Variants in SNTG1 observed in about 807,000 individuals in gnomAD.
SNTG1 encodes gamma-1-syntrophin.
A neutral mutation model predicts 74.7 loss-of-function variants in SNTG1; 39 were observed. That is an observed-to-expected ratio of 0.52 (90% CI 0.40 to 0.68). SNTG1 has a LOEUF of 0.68. Among genes scored for constraint, SNTG1 ranks in the 30% least tolerant of loss-of-function variants. The pLI, the probability that SNTG1 is intolerant of heterozygous loss-of-function variation, is 0.00. For synonymous variants in SNTG1, 254 were observed against 217.1 expected (o/e 1.17, Z -1.49); for missense variants, 685 against 609.5 (o/e 1.12, Z -1.30).
chr8:50,279,564 A>C (rs1401008105), intron 2 of SNTG1, among the ~76,000 whole-genome samples: 2 of 152,318 alleles, frequency 1.3e-5, no homozygotes, highest in East Asian at 3.9e-4. Context: ...TATATCATGT[A>C]AATTTAAAAA....
At chr8:50,318,156 TTAC>T (rs1315636942) in intron 2 of SNTG1, among the ~76,000 whole-genome samples, 1 of 152,102 alleles carries the variant, frequency 6.6e-6, no homozygotes, top group Non-Finnish European at 1.5e-5. Context: ...TGAGTTGTAA[TTAC>T]TACAGGCTTG....
intron 1 of SNTG1, among the ~76,000 whole-genome samples, chr8:50,144,925 T>A (rs1237511584): frequency 6.6e-6 from 1 of 152,190 alleles, no homozygotes; most frequent in African/African-American, 2.4e-5. Flanking sequence ...TAATCTTGAA[T>A]AAAGATCAGG....
intron 2 of SNTG1, among the ~76,000 whole-genome samples, chr8:50,194,573 T>C (rs574799059): frequency 2.0e-4 from 31 of 152,286 alleles, no homozygotes; most frequent in South Asian, 8.3e-4. Context: ...TCTTGGTTAA[T>C]CTTGCTAATG....
chr8:50,176,034 G>A (rs1355571345), intron 2 of SNTG1, among the ~76,000 whole-genome samples: 1 of 152,116 alleles, frequency 6.6e-6, no homozygotes, highest in Non-Finnish European at 1.5e-5. Flanking sequence ...TCTCTGCCTG[G>A]CTAGAGGCGG....
At chr8:50,776,439 A>T (rs988117870) in intron 18 of SNTG1, among the ~76,000 whole-genome samples, 5 of 147,310 alleles carry the variant, frequency 3.4e-5, no homozygotes, top group African/African-American at 1.2e-4. Flanking sequence ...TTTATATGTT[A>T]TATTTAAGCA....
intron 2 of SNTG1, among the ~76,000 whole-genome samples, chr8:50,239,285 C>A (rs1167987370): frequency 2.0e-5 from 3 of 152,236 alleles, no homozygotes; most frequent in African/African-American, 7.2e-5. Context: ...CATTCGCACA[C>A]TGCTATAAAG....
intron 2 of SNTG1, among the ~76,000 whole-genome samples, chr8:50,283,358 C>A (rs772530477): frequency 2.6e-5 from 4 of 152,106 alleles, no homozygotes; most frequent in Non-Finnish European, 5.9e-5. Context: ...AGACAAAGCA[C>A]ATTTGTATTA....
intron 2 of SNTG1, among the ~76,000 whole-genome samples, chr8:50,241,954 T>C (rs1471995678): frequency 1.3e-5 from 2 of 151,898 alleles, no homozygotes; most frequent in Non-Finnish European, 2.9e-5. Flanking sequence ...ACCTCACTTC[T>C]GGAGTGATGG....
At position 50,734,424 on chromosome 8, in the gene SNTG1, TTCTA is replaced by T. The variant is rs531284009; in HGVS notation, c.1285-17575_1285-17572del. Among the ~76,000 whole-genome samples, 43 of 151,636 alleles carry T rather than the reference TTCTA, an allele frequency of 2.8e-4. No individual in the cohort carries two copies. The East Asian group carries it at 8.3e-3, about 29-fold the overall frequency. ...GAATAAATAAATTTTTTAAATGAAA[TTCTA>T]TATTAATTTATTCTGCCTCAATATC... On this transcript the variant is annotated intron_variant, in intron 17 of 18. Coordinates refer to ENST00000642720, the MANE Select transcript of SNTG1 (RefSeq NM_018967.5).
At chr8:50,589,417 G>A (rs111981811) in intron 12 of SNTG1, among the ~76,000 whole-genome samples, 5 of 152,160 alleles carry the variant, frequency 3.3e-5, no homozygotes, top group African/African-American at 9.6e-5. Flanking sequence ...AGGACAAGAC[G>A]TCTGTGCTTG....
chr8:50,272,007 T>C (rs1476018844), intron 2 of SNTG1, among the ~76,000 whole-genome samples: 1 of 152,082 alleles, frequency 6.6e-6, no homozygotes. Context: ...GAAGGTATCA[T>C]CTATGAGCCA....
chr8:50,032,869 A>T (rs1317371427), intron 1 of SNTG1, among the ~76,000 whole-genome samples: 4 of 152,082 alleles, frequency 2.6e-5, no homozygotes, highest in Admixed American at 2.6e-4. Flanking sequence ...ATATAATCAA[A>T]TTTTTTATCC....
At chr8:49,915,444 G>A (rs1051853247) in intron 1 of SNTG1, among the ~76,000 whole-genome samples, 1 of 152,090 alleles carries the variant, frequency 6.6e-6, no homozygotes, top group Non-Finnish European at 1.5e-5. Context: ...ATACTTCCCT[G>A]ATACTTCAGC....
At chr8:50,177,639 G>C (rs1367941831) in intron 2 of SNTG1, among the ~76,000 whole-genome samples, 5 of 152,174 alleles carry the variant, frequency 3.3e-5, no homozygotes, top group African/African-American at 9.7e-5. Context: ...GGAGTGGGCT[G>C]GCTTCATGGA....
At chr8:49,969,637 T>G (rs1361998804) in intron 1 of SNTG1, among the ~76,000 whole-genome samples, 1 of 151,950 alleles carries the variant, frequency 6.6e-6, no homozygotes, top group Non-Finnish European at 1.5e-5. Context: ...CCTCAGGTGA[T>G]CCACCGGCCT....
chr8:50,265,959 G>T (rs1246504443), intron 2 of SNTG1, among the ~76,000 whole-genome samples: 2 of 150,686 alleles, frequency 1.3e-5, no homozygotes, highest in African/African-American at 2.4e-5. Context: ...TGAATAGAAA[G>T]ACATACCATA....
chr8:50,145,119 G>A (rs1471273838), intron 1 of SNTG1, among the ~76,000 whole-genome samples: 3 of 152,154 alleles, frequency 2.0e-5, no homozygotes, highest in African/African-American at 7.2e-5. Flanking sequence ...ACCATAGGGA[G>A]GATGCCAGGA....
At position 50,502,805 on chromosome 8, in the gene SNTG1, G is replaced by A. The variant is rs761361970; in HGVS notation, c.391G>A (p.Glu131Lys). Reference protein sequence around the residue: ...VVQVLRNAGEEVTLTVSFLKR... With the variant: ...VVQVLRNAGEKVTLTVSFLKR... ...TCAGGTTCTTCGGAATGCTGGAGAA[G>A]AAGTGACTCTAACAGTGTCATTTTT... Residue 131 changes from glutamate to lysine, a missense_variant, in exon 9 of 19, where the codon GAA becomes AAA. By Grantham distance (56) the Glu-to-Lys change is moderately conservative. Transcript: ENST00000642720. The A allele has an allele frequency of 1.9e-6, 3 of 1,612,904 alleles. No individual in the cohort carries two copies. Among genetic ancestry groups the A allele is most frequent in the Non-Finnish European group, 2.5e-6 (3 of 1,179,386 alleles).
intron 8 of SNTG1, among the ~76,000 whole-genome samples, chr8:50,482,354 C>A (rs2093747715): frequency 6.6e-6 from 1 of 152,166 alleles, no homozygotes; most frequent in African/African-American, 2.4e-5. Flanking sequence ...CTTTCTAATC[C>A]TCCATATGGG....
Sources: allele counts gnomAD v4.1 joint callset (sites outside exome capture counted in the v4.1 genomes callset), GRCh38; gene constraint gnomAD v4.1.1; transcripts MANE v1.5; gene names NCBI Gene and HGNC (gene_info 2026-07-23, HGNC 2026-07-21).